The following AOPEP variants were observed in gnomAD, a reference collection of about 807,000 sequenced individuals.
AOPEP encodes aminopeptidase O.
A neutral mutation model predicts 98.1 loss-of-function variants in AOPEP; 77 were observed. That is an observed-to-expected ratio of 0.78 (90% CI 0.65 to 0.95). The LOEUF is 0.95. Ranked by LOEUF, AOPEP falls within the 40% of genes least tolerant of loss-of-function variation. The pLI, the probability that AOPEP is intolerant of heterozygous loss-of-function variation, is 0.00. For missense variants in AOPEP, 1,024 were observed against 1,024.7 expected, an observed-to-expected ratio of 1.00 and a Z score of 0.01; for synonymous variants, 346 against 365.3, an observed-to-expected ratio of 0.95 and a Z score of 0.60.
intron 7 of AOPEP, among the ~76,000 whole-genome samples, chr9:94,938,524 G>A (rs1441870364): frequency 1.3e-5 from 2 of 152,208 alleles, no homozygotes; most frequent in African/African-American, 2.4e-5. Context: ...TGAGATGGGT[G>A]AAGAGGCAGA....
intron 5 of AOPEP, among the ~76,000 whole-genome samples, chr9:94,804,188 T>C (rs964789314): frequency 6.6e-6 from 1 of 152,210 alleles, no homozygotes; most frequent in Non-Finnish European, 1.5e-5. Flanking sequence ...GTAACGTTAA[T>C]GGAATCATAT....
chr9:95,071,175 A>G (rs1035416212), intron 14 of AOPEP, among the ~76,000 whole-genome samples: 2 of 152,122 alleles, frequency 1.3e-5, no homozygotes, highest in African/African-American at 4.8e-5. Context: ...GATTTTTTTC[A>G]GTTATTAGGA....
At chr9:94,777,288 C>T (rs1490064821) in intron 3 of AOPEP, among the ~76,000 whole-genome samples, 3 of 151,814 alleles carry the variant, frequency 2.0e-5, no homozygotes, top group East Asian at 1.9e-4. Context: ...AAAAATTAGC[C>T]GGGCGTGGTG....
chr9:94,920,805 A>C (rs766723007), intron 5 of AOPEP, among the ~76,000 whole-genome samples: 1 of 152,088 alleles, frequency 6.6e-6, no homozygotes, highest in East Asian at 1.9e-4. Context: ...GATATTTTTA[A>C]TCTCGAGGGG....
At chr9:94,935,700 T>C (rs1411360436) in intron 7 of AOPEP, among the ~76,000 whole-genome samples, 1 of 152,166 alleles carries the variant, frequency 6.6e-6, no homozygotes, top group African/African-American at 2.4e-5. Flanking sequence ...AGGGCTGGTG[T>C]GCACACGGGT....
chr9:94,950,226 A>G (rs1213907091), intron 7 of AOPEP, among the ~76,000 whole-genome samples: 1 of 152,134 alleles, frequency 6.6e-6, no homozygotes, highest in Non-Finnish European at 1.5e-5. Context: ...TGTCAGAGGA[A>G]GGTTTAGTTG....
intron 13 of AOPEP, among the ~76,000 whole-genome samples, chr9:95,018,081 C>G (rs1412488): frequency 0.84 from 127,731 of 152,214 alleles, 54,028 homozygotes; most frequent in Non-Finnish European, 0.9. Flanking sequence ...TATGAATAAC[C>G]CATCTGTGGA....
chr9:94,982,143 G>A (rs1444213328), intron 11 of AOPEP, among the ~76,000 whole-genome samples: 1 of 151,102 alleles, frequency 6.6e-6, no homozygotes, highest in Admixed American at 6.6e-5. Flanking sequence ...TTTTTTTTTG[G>A]TTATAGAAGA....
intron 13 of AOPEP, among the ~76,000 whole-genome samples, chr9:95,043,251 T>TATATATATACATATATATCCAG (rs2065509665): frequency 6.8e-6 from 1 of 147,632 alleles, no homozygotes; most frequent in Admixed American, 6.8e-5. Context: ...TATATACAGA[T>TATATATATACATATATATCCAG]ATATATATAC....
At chr9:95,015,763 G>A (rs115354936) in intron 13 of AOPEP, among the ~76,000 whole-genome samples, 3,240 of 152,248 alleles carry the variant, frequency 0.021, 117 homozygotes, top group African/African-American at 0.074. Context: ...AAATACCTGT[G>A]CAGTTTCATT....
chr9:94,990,694 G>A (rs919500431), intron 11 of AOPEP, among the ~76,000 whole-genome samples: 8 of 151,804 alleles, frequency 5.3e-5, no homozygotes, highest in African/African-American at 1.9e-4. Context: ...GCGTGATCTC[G>A]GCTCACTGCA....
intron 5 of AOPEP, among the ~76,000 whole-genome samples, chr9:94,809,767 CACAT>C (rs943502648): frequency 2.0e-5 from 3 of 152,154 alleles, no homozygotes; most frequent in African/African-American, 7.2e-5. Context: ...CACTATAAAA[CACAT>C]ACACAAAATA....
chr9:95,025,835 G>A (rs1360196010), intron 13 of AOPEP, among the ~76,000 whole-genome samples: 1 of 152,082 alleles, frequency 6.6e-6, no homozygotes, highest in Admixed American at 6.6e-5. Context: ...TGTGTTCCTA[G>A]GGCAGTGGTC....
chr9:95,106,094 T>C, the AOPEP span, among the ~76,000 whole-genome samples: 1 of 152,216 alleles, frequency 6.6e-6, no homozygotes, highest in South Asian at 2.1e-4. Flanking sequence ...GGGAAGCATA[T>C]GAGTGTTCCG....
At chr9:95,028,936 C>T (rs1393311093) in intron 13 of AOPEP, among the ~76,000 whole-genome samples, 7 of 152,212 alleles carry the variant, frequency 4.6e-5, no homozygotes, top group African/African-American at 9.6e-5. Context: ...CCCAGATGTC[C>T]GCAGTGTTTT....
At chr9:95,034,619 G>A (rs942192070) in intron 13 of AOPEP, among the ~76,000 whole-genome samples, 2 of 152,242 alleles carry the variant, frequency 1.3e-5, no homozygotes, top group African/African-American at 2.4e-5. Context: ...GGCCTGCGAG[G>A]CCTCATTTTG....
chr9:94,755,907 T>G (rs778420817), intron 1 of AOPEP, among the ~76,000 whole-genome samples: 2 of 152,170 alleles, frequency 1.3e-5, no homozygotes, highest in Non-Finnish European at 2.9e-5. Flanking sequence ...AGCTCCAAAG[T>G]TCAATAAAAT....
rs955942590 is a variant in AOPEP, at chr9:94,930,753, A to T, written c.1661+2222A>T. ...AGAAGTGGGACTACATGGGTGATGGAGAAGGAAGTCAGGCTGAAGTGGACA... is the reference window on the plus strand; with the variant it reads ...AGAAGTGGGACTACATGGGTGATGGTGAAGGAAGTCAGGCTGAAGTGGACA... On this transcript the variant is annotated intron_variant, in intron 7 of 16. Coordinates refer to ENST00000375315, the MANE Select transcript of AOPEP (RefSeq NM_001193329.3). This position sits in a 1 kb window ranked among gnomAD's most constrained non-coding sequence, Gnocchi z 4.5. 6.6e-6 allele frequency among the ~76,000 whole-genome samples: 1 copy of T among 152,132 alleles called. No individual in the cohort carries two copies. Among genetic ancestry groups the T allele is most frequent in the African/African-American group, 2.4e-5 (1 of 41,424 alleles).
At chr9:94,727,109 G>T (rs1564019415) in intron 1 of AOPEP, among the ~76,000 whole-genome samples, 1 of 152,160 alleles carries the variant, frequency 6.6e-6, no homozygotes, top group East Asian at 1.9e-4. Flanking sequence ...TAGCCCCACA[G>T]GGCTCATCTC....
Sources: allele counts gnomAD v4.1 joint callset (sites outside exome capture counted in the v4.1 genomes callset), GRCh38; gene constraint gnomAD v4.1.1; non-coding constraint Gnocchi (gnomAD v3.1); transcripts MANE v1.5; gene names NCBI Gene and HGNC (gene_info 2026-07-23, HGNC 2026-07-21).